The following TANC1 variants were observed in gnomAD, a reference collection of about 807,000 sequenced individuals.
TANC1 encodes protein TANC1.
Under a neutral mutation model 149.7 loss-of-function variants are expected in TANC1, and 77 were observed. The observed-to-expected ratio is 0.51, with a 90% CI of 0.43 to 0.62. The LOEUF (loss-of-function observed/expected upper bound fraction) is 0.62, where lower values mean the gene tolerates loss of function less well. Ranked by LOEUF, TANC1 falls within the 20% of genes least tolerant of loss-of-function variation. The probability of loss-of-function intolerance (pLI) is 0.00; values close to 1 mark genes in which losing one functional copy is unlikely to be tolerated. For missense variants in TANC1, 1,985 were observed against 2,321.8 expected, an observed-to-expected ratio of 0.85 and a Z score of 2.98; for synonymous variants, 854 against 925.0, an observed-to-expected ratio of 0.92 and a Z score of 1.39.
intron 2 of TANC1, among the ~76,000 whole-genome samples, chr2:159,021,558 A>G (rs2038833785): frequency 1.3e-5 from 2 of 152,086 alleles, no homozygotes; most frequent in Non-Finnish European, 2.9e-5. Context: ...AGTTAGGATC[A>G]TGTCTGTGAA....
intron 22 of TANC1, among the ~76,000 whole-genome samples, chr2:159,220,562 A>G (rs931740068): frequency 6.7e-6 from 1 of 149,830 alleles, no homozygotes; most frequent in Non-Finnish European, 1.5e-5. Flanking sequence ...TCAGCCTCCC[A>G]AAGTGCTGGG....
chr2:159,163,565 C>T lies in TANC1; in HGVS notation c.946+19C>T. On this transcript the variant is annotated intron_variant, in intron 8 of 26. Coordinates refer to ENST00000263635, the MANE Select transcript of TANC1 (RefSeq NM_033394.3). ...GTTGCAGGTAAGGCCACACCTTTCC[C>T]TGGAAGGATTATCTCAGGGATACCA... The T allele has an allele frequency of 6.2e-7, 1 of 1,603,170 alleles. No homozygotes were observed. Among genetic ancestry groups the T allele is most frequent in the African/African-American group, 1.3e-5 (1 of 74,780 alleles).
rs1291404482 is a variant in TANC1, at chr2:159,104,550, G to A, written c.259+6716G>A. ...TGCTTTTTCATGAGGACAAATATATGTGTATATATTTGTTTTGAGACAAGG... is the reference window on the plus strand; with the variant it reads ...TGCTTTTTCATGAGGACAAATATATATGTATATATTTGTTTTGAGACAAGG... On this transcript the variant is annotated intron_variant, in intron 4 of 26. Coordinates refer to ENST00000263635, the MANE Select transcript of TANC1 (RefSeq NM_033394.3). Among the ~76,000 whole-genome samples the A allele has an allele frequency of 2.3e-4, 22 of 93,836 alleles. 5 individuals are homozygous for A. Among genetic ancestry groups the A allele is most frequent in the African/African-American group, 6.5e-4 (22 of 33,762 alleles). The allele number at this position is 93,836 out of a possible 152,430, so 61.6% of individuals were successfully genotyped here. A position where few individuals can be genotyped will look rare whatever the true frequency, so the allele number is the denominator to read the frequency against.
chr2:158,978,538 C>T (rs1288253404), intron 1 of TANC1, among the ~76,000 whole-genome samples: 1 of 152,136 alleles, frequency 6.6e-6, no homozygotes, highest in Non-Finnish European at 1.5e-5. Context: ...AAGGGAGAGT[C>T]CTTGTGGAGT....
intron 8 of TANC1, among the ~76,000 whole-genome samples, chr2:159,167,877 C>T (rs574241643): frequency 7.2e-5 from 11 of 152,178 alleles, no homozygotes; most frequent in South Asian, 2.1e-4. Context: ...TGGCACTGGT[C>T]GGCAGCTGGA....
At chr2:158,993,322 C>T (rs1326260671) in intron 1 of TANC1, among the ~76,000 whole-genome samples, 2 of 152,140 alleles carry the variant, frequency 1.3e-5, no homozygotes, top group South Asian at 2.1e-4. Flanking sequence ...TGCAATGGCA[C>T]GATCAGCTTA....
intron 2 of TANC1, among the ~76,000 whole-genome samples, chr2:159,042,987 G>C (rs900362021): frequency 6.6e-6 from 1 of 152,164 alleles, no homozygotes; most frequent in East Asian, 1.9e-4. Flanking sequence ...GAAAACCTGA[G>C]ATAGTGGTGG....
intron 14 of TANC1, among the ~76,000 whole-genome samples, chr2:159,182,642 A>C (rs928288068): frequency 2.6e-5 from 4 of 151,994 alleles, no homozygotes; most frequent in Admixed American, 6.6e-5. Context: ...ATGTTTTTTC[A>C]TGTGTTCCTC....
At position 159,229,976 on chromosome 2, in the gene TANC1, C is replaced by G; in HGVS notation, c.4550C>G (p.Pro1517Arg). 3 of 1,614,064 alleles carry G rather than the reference C, an allele frequency of 1.9e-6. No individual in the cohort carries two copies. Among genetic ancestry groups the G allele is most frequent in the Non-Finnish European group, 2.5e-6 (3 of 1,180,040 alleles). Residue 1517 changes from proline to arginine, a missense_variant, in exon 27 of 27, where the codon CCT becomes CGT. Physicochemically the swap from Pro to Arg is moderately radical, Grantham distance 103. Transcript: ENST00000263635. ...GGAATCGGCAAGTCCCTGAGAGAGC[C>G]TGTGGCCCAGCCAGGGCTGCTCCTG... ...RAGIGKSLRE[P>R]VAQPGLLLQP... is the part of the protein sequence containing the mutation.
chr2:159,069,017 A>C (rs1439375753), intron 3 of TANC1, among the ~76,000 whole-genome samples: 1 of 152,228 alleles, frequency 6.6e-6, no homozygotes, highest in East Asian at 1.9e-4. Flanking sequence ...CTAGGATTAC[A>C]AATATGAGCC....
chr2:159,129,322 T>C (rs560104718), intron 4 of TANC1, among the ~76,000 whole-genome samples: 2 of 152,324 alleles, frequency 1.3e-5, no homozygotes, highest in South Asian at 4.1e-4. Context: ...ATACTCCTTA[T>C]GTGGCAGTTT....
At chr2:159,057,802 G>A (rs1052468196) in intron 2 of TANC1, among the ~76,000 whole-genome samples, 2 of 152,262 alleles carry the variant, frequency 1.3e-5, no homozygotes, top group African/African-American at 4.8e-5. Flanking sequence ...GATGAAGAAG[G>A]CTTCGAAGAT....
chr2:159,076,311 C>G (rs1412773264), intron 3 of TANC1, among the ~76,000 whole-genome samples: 7 of 152,136 alleles, frequency 4.6e-5, no homozygotes, highest in Non-Finnish European at 7.3e-5. Flanking sequence ...AAAAGTTTCT[C>G]TGCGTTGTTA....
rs73969440 is a variant in TANC1 at position 159,109,465 on chromosome 2, C to T, written c.259+11631C>T. Among the ~76,000 whole-genome samples the T allele has an allele frequency of 7.0e-3, 1,070 of 152,246 alleles. 8 individuals are homozygous for T. Among genetic ancestry groups the T allele is most frequent in the African/African-American group, 0.024 (1,007 of 41,532 alleles). On this transcript the variant is annotated intron_variant, in intron 4 of 26. Coordinates refer to ENST00000263635, the MANE Select transcript of TANC1 (RefSeq NM_033394.3). ...AGTTTTGAAATCAGGAGGGTGGAAC[C>T]TCCATGATGGGATTAATGCCCTTAT... is the stretch of plus-strand genomic sequence containing the variant.
chr2:159,067,816 T>A (rs770707295), intron 3 of TANC1, among the ~76,000 whole-genome samples: 3 of 152,170 alleles, frequency 2.0e-5, no homozygotes, highest in African/African-American at 7.2e-5. Flanking sequence ...ACCAGTGCCA[T>A]ACTTAGAAGA....
chr2:159,006,169 C>T (rs2037148842), intron 2 of TANC1, among the ~76,000 whole-genome samples: 2 of 151,784 alleles, frequency 1.3e-5, no homozygotes, highest in African/African-American at 2.4e-5. Context: ...TGGTGGTGCA[C>T]ACCTGTAGTC....
chr2:159,011,994 G>C (rs1236487259), intron 2 of TANC1, among the ~76,000 whole-genome samples: 1 of 152,094 alleles, frequency 6.6e-6, no homozygotes, highest in African/African-American at 2.4e-5. Flanking sequence ...TCCTGGGTTA[G>C]GAAAGTCACT....
At chr2:159,157,700 G>A (rs1475201238) in intron 7 of TANC1, among the ~76,000 whole-genome samples, 1 of 152,152 alleles carries the variant, frequency 6.6e-6, no homozygotes, top group Non-Finnish European at 1.5e-5. Context: ...TTTATGAGCG[G>A]CCATTATGTT....
At chr2:159,148,923 C>T in intron 5 of TANC1, 1 of 457,138 alleles carries the variant, frequency 2.2e-6, no homozygotes, top group Non-Finnish European at 3.8e-6. Context: ...TCTCACTCAC[C>T]CTTTGCACTT....
Sources: gnomAD v4.1 joint callset for allele counts (sites outside exome capture counted in the v4.1 genomes callset) on GRCh38, gnomAD v4.1.1 for gene constraint, MANE v1.5 for transcripts, NCBI Gene and HGNC (gene_info 2026-07-23, HGNC 2026-07-21) for gene names.